Variants in COL21A1 observed in about 807,000 individuals in gnomAD.
The protein encoded by COL21A1 is collagen alpha-1(XXI) chain.
Under a neutral mutation model 137.9 loss-of-function variants are expected in COL21A1, and 149 were observed. That is an observed-to-expected ratio of 1.08 (90% CI 0.95 to 1.24). The LOEUF is 1.24. COL21A1 is among the 50% of genes most tolerant of loss of function. The pLI is 0.00. For missense variants in COL21A1, 1,167 were observed against 1,158.4 expected (o/e 1.01, Z -0.11); for synonymous variants, 456 against 391.5 (o/e 1.16, Z -1.95).
At chr6:56,292,195 G>A (rs758666192) in intron 1 of COL21A1, among the ~76,000 whole-genome samples, 1 of 152,014 alleles carries the variant, frequency 6.6e-6, no homozygotes, top group Non-Finnish European at 1.5e-5. Flanking sequence ...AAAATAAAGA[G>A]TATTTTCAAT....
intron 12 of COL21A1, among the ~76,000 whole-genome samples, chr6:56,138,783 T>C (rs147902288): frequency 6.6e-6 from 1 of 152,230 alleles, no homozygotes; most frequent in African/African-American, 2.4e-5. Flanking sequence ...TTGGAGCACT[T>C]GTACTACAAT....
chr6:56,147,660 A>G (rs3857610), intron 10 of COL21A1, among the ~76,000 whole-genome samples: 22,986 of 152,080 alleles, frequency 0.15, 1,774 homozygotes, highest in Middle Eastern at 0.23. Context: ...GTATATATAT[A>G]CATACATGTC....
chr6:56,174,039 T>G (rs993390733), intron 3 of COL21A1, among the ~76,000 whole-genome samples: 1 of 152,108 alleles, frequency 6.6e-6, no homozygotes, highest in Non-Finnish European at 1.5e-5. Context: ...GGAGGAAAAT[T>G]GAAAAATTCA....
chr6:56,067,664 G>A (rs1235970048), intron 22 of COL21A1, among the ~76,000 whole-genome samples: 1 of 151,688 alleles, frequency 6.6e-6, no homozygotes, highest in Non-Finnish European at 1.5e-5. Flanking sequence ...GACAAATGTT[G>A]TTTTATGAAA....
rs895488891 is a variant in COL21A1, at chr6:56,130,167, A to T, written c.1543-4018T>A. On this transcript the variant is annotated intron_variant, in intron 12 of 29. Transcript: ENST00000244728. ...CTGAGAGCATTCATGACAGGGTTTT[A>T]TATATATATATATATATATATATAT... is the stretch of plus-strand genomic sequence containing the variant. Among the ~76,000 whole-genome samples, 103 of 76,826 alleles carry T rather than the reference A, an allele frequency of 1.3e-3. 1 individual carries two copies. The highest frequency in any genetic ancestry group is 7.2e-3 in the Middle Eastern group (1 of 138). 50.4% of individuals were successfully genotyped at this position (76,826 alleles called of 152,430 possible). A position where few individuals can be genotyped will look rare whatever the true frequency, so the allele number is the denominator to read the frequency against.
chr6:56,103,484 G>T (rs192201982), intron 16 of COL21A1, among the ~76,000 whole-genome samples: 3 of 152,246 alleles, frequency 2.0e-5, no homozygotes, highest in African/African-American at 7.2e-5. Flanking sequence ...GCCATTAAAA[G>T]TAATGGCAAA....
At chr6:56,182,726 T>C in intron 1 of COL21A1, 70 bp from the exon 2 acceptor site, 1 of 694,728 alleles carries the variant, frequency 1.4e-6, no homozygotes, top group South Asian at 1.9e-5. Context: ...ACATTTACAT[T>C]TTGAAACAAG....
intron 9 of COL21A1, among the ~76,000 whole-genome samples, chr6:56,158,266 C>CTT (rs67453245): frequency 0.044 from 2,762 of 62,424 alleles, 314 homozygotes; most frequent in African/African-American, 0.11. Flanking sequence ...TTTTTTTTTT[C>CTT]TTTTTTTTTT....
chr6:56,255,161 C>T (rs899779944), intron 1 of COL21A1, among the ~76,000 whole-genome samples: 25 of 152,018 alleles, frequency 1.6e-4, no homozygotes, highest in African/African-American at 4.6e-4. Flanking sequence ...GCTGTGGGGT[C>T]GGTCAAGTCA....
Position 56,086,730 on chromosome 6 carries a change from G to A in COL21A1, c.1813-9157C>T, listed in dbSNP as rs1035788307. The stretch of plus-strand genomic sequence containing the variant: ...TGAAAGCACACTGTAATTTCTGCCC[G>A]ATTTTTTGCTTTTCATTTATCTAGA... On this transcript the variant is annotated intron_variant, in intron 17 of 29. Transcript: ENST00000244728. Among the ~76,000 whole-genome samples, 4 of 152,192 alleles carry A rather than the reference G, an allele frequency of 2.6e-5. No individual in the cohort carries two copies. In the East Asian group the frequency reaches 5.8e-4, roughly 22 times the overall value.
intron 17 of COL21A1, among the ~76,000 whole-genome samples, chr6:56,082,357 A>T (rs1175614677): frequency 6.6e-6 from 1 of 152,004 alleles, no homozygotes; most frequent in African/African-American, 2.4e-5. Context: ...GCATGTATGT[A>T]TAGACATATG....
chr6:56,302,758 CT>C (rs1224232819), intron 1 of COL21A1, among the ~76,000 whole-genome samples: 1 of 150,786 alleles, frequency 6.6e-6, no homozygotes, highest in Admixed American at 6.6e-5. Context: ...TCAATTTTGG[CT>C]TTTGTTGCCA....
At position 56,197,917 on chromosome 6, in the gene COL21A1, G is replaced by T. The variant is rs541320846; in HGVS notation, c.-38-15261C>A. Among the ~76,000 whole-genome samples, 4 of 152,134 alleles carry T rather than the reference G, an allele frequency of 2.6e-5. No homozygotes were observed. The South Asian group carries it at 8.3e-4, about 32-fold the overall frequency. ...TATCTATAGTCCCATATTCAATGCA[G>T]CATTATTTACAGTAGCCGAGATATG... On this transcript the variant is annotated intron_variant, in intron 1 of 29. Coordinates refer to ENST00000244728, the MANE Select transcript of COL21A1 (RefSeq NM_030820.4).
At chr6:56,254,881 A>G (rs559629414) in intron 1 of COL21A1, among the ~76,000 whole-genome samples, 3 of 152,306 alleles carry the variant, frequency 2.0e-5, no homozygotes, top group African/African-American at 7.2e-5. Context: ...AAAAAGAAAA[A>G]GAATCCTGTA....
intron 1 of COL21A1, among the ~76,000 whole-genome samples, chr6:56,291,514 G>A (rs1311334452): frequency 1.3e-5 from 2 of 152,240 alleles, no homozygotes; most frequent in Non-Finnish European, 2.9e-5. Flanking sequence ...TACTGCAAAA[G>A]CTGAGCACAA....
chr6:56,347,408 C>T lies in COL21A1; in HGVS notation c.-39+46563G>A, dbSNP rs185769636. Among the ~76,000 whole-genome samples the T allele has an allele frequency of 5.3e-3, 806 of 151,998 alleles. 3 individuals are homozygous for T. The highest frequency in any genetic ancestry group is 8.6e-3 in the Non-Finnish European group (587 of 67,994). The stretch of plus-strand genomic sequence containing the variant: ...TTGCCCTGGTCTTCTATTATCCTTC[C>T]TGCATGCAATGGGTCTTACCAAAAG... On this transcript the variant is annotated intron_variant, in intron 1 of 28. Coordinates refer to the COL21A1 transcript ENST00000370819.
intron 1 of COL21A1, among the ~76,000 whole-genome samples, chr6:56,190,417 A>G (rs980555134): frequency 4.6e-5 from 7 of 152,198 alleles, no homozygotes; most frequent in South Asian, 2.1e-4. Flanking sequence ...CGAATAGAGC[A>G]ATAACAAGTT....
chr6:56,301,577 A>G (rs1190812030), intron 1 of COL21A1, among the ~76,000 whole-genome samples: 7 of 152,310 alleles, frequency 4.6e-5, no homozygotes, highest in Non-Finnish European at 4.4e-5. Flanking sequence ...ACTTCTAACT[A>G]CAGACATCAG....
intron 1 of COL21A1, among the ~76,000 whole-genome samples, chr6:56,364,349 A>G (rs992343358): frequency 6.6e-6 from 1 of 152,224 alleles, no homozygotes; most frequent in Non-Finnish European, 1.5e-5. Flanking sequence ...CTCTACCTCC[A>G]TGGAAACAAA....
Sources: allele counts gnomAD v4.1 joint callset (sites outside exome capture counted in the v4.1 genomes callset), GRCh38; gene constraint gnomAD v4.1.1; transcripts MANE v1.5; gene names NCBI Gene and HGNC (gene_info 2026-07-23, HGNC 2026-07-21).